PCNX2: variants seen among roughly 807,000 people sequenced by gnomAD.
PCNX2 encodes the protein pecanex 2, also known as pecanex-like protein 2.
In PCNX2, 168 loss-of-function variants were observed where a neutral mutation model predicts 223.8. That is an observed-to-expected ratio of 0.75 (90% CI 0.66 to 0.85). The LOEUF (loss-of-function observed/expected upper bound fraction) is 0.85, where lower values mean the gene tolerates loss of function less well. PCNX2 is among the 40% of genes least tolerant of loss of function. The pLI is 0.00. For missense variants in PCNX2, 2,507 were observed against 2,675.5 expected (o/e 0.94, Z 1.39); for synonymous variants, 1,006 against 1,052.6 (o/e 0.96, Z 0.86).
At chr1:233,007,138 G>A (rs1298486034) in intron 28 of PCNX2, among the ~76,000 whole-genome samples, 1 of 151,628 alleles carries the variant, frequency 6.6e-6, no homozygotes, top group African/African-American at 2.4e-5. Context: ...GCTGATGTGG[G>A]GAGTTCAAGG....
At chr1:233,250,285 T>A (rs1659379365) in intron 8 of PCNX2, among the ~76,000 whole-genome samples, 1 of 152,170 alleles carries the variant, frequency 6.6e-6, no homozygotes, top group South Asian at 2.1e-4. Context: ...AATATCAGCA[T>A]AATTAAGAAA....
intron 26 of PCNX2, among the ~76,000 whole-genome samples, chr1:233,021,147 G>A (rs1401990389): frequency 3.3e-5 from 5 of 152,036 alleles, no homozygotes; most frequent in African/African-American, 9.7e-5. Flanking sequence ...CAGGTTCCAA[G>A]CCACCCCTTG....
intron 25 of PCNX2, among the ~76,000 whole-genome samples, chr1:233,032,205 C>A (rs535074874): frequency 7.2e-5 from 11 of 152,184 alleles, no homozygotes; most frequent in African/African-American, 2.6e-4. Context: ...CGGGTTCAAG[C>A]GATTTTCCTG....
At chr1:233,120,164 C>CAAAAAAAAAAAAAA (rs1228898502) in intron 21 of PCNX2, among the ~76,000 whole-genome samples, 8 of 42,660 alleles carry the variant, frequency 1.9e-4, no homozygotes, top group Admixed American at 2.6e-4. Context: ...GACTCCATTT[C>CAAAAAAAAAAAAAA]AAAAAAAAAA....
At chr1:233,212,945 TAA>T (rs996358020) in intron 12 of PCNX2, among the ~76,000 whole-genome samples, 6 of 152,188 alleles carry the variant, frequency 3.9e-5, no homozygotes, top group Admixed American at 3.9e-4. Context: ...TCAACAGAGA[TAA>T]GTCATATTGA....
chr1:233,235,153 A>T (rs1368723120), intron 9 of PCNX2, among the ~76,000 whole-genome samples: 1 of 152,148 alleles, frequency 6.6e-6, no homozygotes, highest in Non-Finnish European at 1.5e-5. Flanking sequence ...AGGCCCTGGA[A>T]AGGAGGAGGA....
chr1:233,081,139 G>A (rs1183647957), intron 23 of PCNX2, among the ~76,000 whole-genome samples: 1 of 152,112 alleles, frequency 6.6e-6, no homozygotes, highest in African/African-American at 2.4e-5. Flanking sequence ...ACGAGGTCAG[G>A]AGTTCAAGAC....
At chr1:233,099,616 T>G (rs900057281) in intron 21 of PCNX2, among the ~76,000 whole-genome samples, 12 of 152,208 alleles carry the variant, frequency 7.9e-5, no homozygotes, top group African/African-American at 2.4e-4. Flanking sequence ...AGACTCAACT[T>G]CATATTTTCC....
intron 1 of PCNX2, among the ~76,000 whole-genome samples, chr1:233,273,815 G>A (rs191542291): frequency 1.9e-3 from 289 of 152,066 alleles, no homozygotes; most frequent in African/African-American, 6.4e-3. Context: ...AGTGGAGACG[G>A]GGTTTCACCA....
the PCNX2 span, among the ~76,000 whole-genome samples, chr1:233,309,003 T>G: frequency 6.6e-6 from 1 of 152,130 alleles, no homozygotes; most frequent in Non-Finnish European, 1.5e-5. Context: ...GAGATACACC[T>G]ATGAAAGAGT....
chr1:233,024,481 C>T (rs1012154097), intron 26 of PCNX2, among the ~76,000 whole-genome samples: 6 of 152,168 alleles, frequency 3.9e-5, no homozygotes, highest in Admixed American at 6.5e-5. Flanking sequence ...CTCTGCCACA[C>T]GGCTCTCGCC....
At chr1:233,118,383 TAAG>T (rs1473879449) in intron 21 of PCNX2, among the ~76,000 whole-genome samples, 2 of 146,142 alleles carry the variant, frequency 1.4e-5, no homozygotes, top group Non-Finnish European at 3.0e-5. Flanking sequence ...GCTAGTGCAA[TAAG>T]ACTGGCAAAG....
intron 1 of PCNX2, among the ~76,000 whole-genome samples, chr1:233,264,295 C>T (rs556016754): frequency 6.6e-6 from 1 of 152,284 alleles, no homozygotes; most frequent in East Asian, 1.9e-4. Context: ...CCAGGACAGC[C>T]TCAATGATTC....
chr1:233,139,913 G>C lies in PCNX2; in HGVS notation c.3518-58C>G. On this transcript the variant is annotated intron_variant, in intron 19 of 33. Transcript: ENST00000258229. This position sits in a 1 kb window ranked among gnomAD's most constrained non-coding sequence, Gnocchi z 4.4. ...CACCGATCAAAGTATTTTTCTTTAA[G>C]TACAGGTAATAATAAGTAATATTCC... The C allele has an allele frequency of 6.4e-7, 1 of 1,567,844 alleles. No individual in the cohort carries two copies.
intron 17 of PCNX2, among the ~76,000 whole-genome samples, chr1:233,167,309 C>T (rs916065908): frequency 6.6e-5 from 10 of 151,502 alleles, no homozygotes; most frequent in African/African-American, 2.2e-4. Flanking sequence ...ACAAATACTG[C>T]GTGATTTCAC....
chr1:233,239,662 G>A (rs1658637023), intron 8 of PCNX2, among the ~76,000 whole-genome samples: 1 of 152,148 alleles, frequency 6.6e-6, no homozygotes, highest in Admixed American at 6.5e-5. Context: ...AACTAAACCA[G>A]ACTATGTATG....
rs1290118724 is a variant in PCNX2 at position 233,236,990 on chromosome 1, G to A, written c.2223-10C>T. 1 of 1,613,272 alleles carries A rather than the reference G, an allele frequency of 6.2e-7. No individual in the cohort carries two copies. The highest frequency in any genetic ancestry group is 1.7e-5 in the Admixed American group (1 of 59,926). ...GCTGACCTGCATCTCTCTGAGGATG[G>A]GCAAAACAAAAGCTTTGGTTACCTG... On this transcript the variant is annotated splice_polypyrimidine_tract_variant and intron_variant, in intron 8 of 33. Coordinates refer to ENST00000258229, the MANE Select transcript of PCNX2 (RefSeq NM_014801.4).
intron 1 of PCNX2, chr1:233,284,913 A>C (rs1171587822): frequency 2.1e-6 from 2 of 953,092 alleles, no homozygotes; most frequent in Non-Finnish European, 2.5e-6. Context: ...ATCCAGGGTC[A>C]TGGGGGGGAT....
chr1:233,109,761 G>T (rs1302033615), intron 21 of PCNX2, among the ~76,000 whole-genome samples: 2 of 152,172 alleles, frequency 1.3e-5, no homozygotes. Context: ...CAGAACAAAA[G>T]AAATATTTGA....
Sources: gnomAD v4.1 joint callset for allele counts (sites outside exome capture counted in the v4.1 genomes callset) on GRCh38, gnomAD v4.1.1 for gene constraint, Gnocchi (gnomAD v3.1) non-coding constraint, MANE v1.5 for transcripts, NCBI Gene and HGNC (gene_info 2026-07-23, HGNC 2026-07-21) for gene names.